Variants in CHCHD3 observed in about 807,000 individuals in gnomAD.
CHCHD3 encodes the protein coiled-coil-helix-coiled-coil-helix domain containing 3, also known as MICOS complex subunit MIC19.
In CHCHD3, 20 loss-of-function variants were observed where a neutral mutation model predicts 38.2. That is an observed-to-expected ratio of 0.52 (90% CI 0.37 to 0.76). CHCHD3 has a LOEUF of 0.76. Among genes scored for constraint, CHCHD3 ranks in the 30% least tolerant of loss-of-function variants. The probability of loss-of-function intolerance (pLI) is 0.00; values close to 1 mark genes in which losing one functional copy is unlikely to be tolerated. For synonymous variants in CHCHD3, 82 were observed against 100.0 expected, an observed-to-expected ratio of 0.82 and a Z score of 1.07; for missense variants, 245 against 279.2, an observed-to-expected ratio of 0.88 and a Z score of 0.87.
At chr7:133,015,382 A>AAATAAATAAATAAATG in intron 3 of CHCHD3, among the ~76,000 whole-genome samples, 1 of 150,554 alleles carries the variant, frequency 6.6e-6, no homozygotes, top group South Asian at 2.1e-4. Context: ...ATAAATAAAT[A>AAATAAATAAATAAATG]AATGTCAGGT....
intron 1 of CHCHD3, among the ~76,000 whole-genome samples, chr7:133,078,084 G>T (rs1562955990): frequency 6.6e-6 from 1 of 152,174 alleles, no homozygotes; most frequent in African/African-American, 2.4e-5. Context: ...GAGGTGGGTA[G>T]ATCACTTGAG....
At chr7:132,804,670 A>T (rs1348831243) in intron 6 of CHCHD3, among the ~76,000 whole-genome samples, 2 of 152,216 alleles carry the variant, frequency 1.3e-5, no homozygotes, top group Non-Finnish European at 2.9e-5. Flanking sequence ...ACCAAAATTT[A>T]AGTTTGTGGT....
chr7:132,829,450 G>A (rs1270754249), intron 6 of CHCHD3, among the ~76,000 whole-genome samples: 1 of 152,022 alleles, frequency 6.6e-6, no homozygotes, highest in African/African-American at 2.4e-5. Flanking sequence ...GTTCCTGCTG[G>A]GGAAGACAGA....
intron 5 of CHCHD3, among the ~76,000 whole-genome samples, chr7:132,852,374 T>G (rs1808240919): frequency 6.6e-6 from 1 of 152,210 alleles, no homozygotes; most frequent in Admixed American, 6.5e-5. Context: ...TCAGTTTGGC[T>G]GTCTTTCTTG....
chr7:132,924,071 A>G (rs527408747), intron 4 of CHCHD3, among the ~76,000 whole-genome samples: 19 of 152,312 alleles, frequency 1.2e-4, no homozygotes, highest in African/African-American at 4.3e-4. Context: ...CAATTCAACT[A>G]GAAGAAAAAT....
chr7:132,883,423 G>T (rs938898490), intron 5 of CHCHD3, among the ~76,000 whole-genome samples: 2 of 152,158 alleles, frequency 1.3e-5, no homozygotes, highest in Non-Finnish European at 2.9e-5. Flanking sequence ...GGAAATGCCA[G>T]GTCAGAAATT....
rs568915476 is a variant in CHCHD3, at chr7:132,887,670, G to A, written c.370-1925C>T. On this transcript the variant is annotated intron_variant, in intron 4 of 7. Transcript: ENST00000262570. Reference sequence around the variant, plus strand: ...ACAAATAAACTAGAAATCAACACACGAAAAATACAAATAATAAACACATGA... The same window carrying A: ...ACAAATAAACTAGAAATCAACACACAAAAAATACAAATAATAAACACATGA... 1.5e-4 allele frequency among the ~76,000 whole-genome samples: 23 copies of A among 148,860 alleles called. No individual in the cohort carries two copies. The East Asian group carries it at 3.5e-3, about 23-fold the overall frequency.
chr7:132,908,210 G>C (rs1809844029), intron 4 of CHCHD3, among the ~76,000 whole-genome samples: 1 of 152,144 alleles, frequency 6.6e-6, no homozygotes, highest in Admixed American at 6.5e-5. Flanking sequence ...TCAGAATCTG[G>C]TGTTTAAGAG....
intron 2 of CHCHD3, among the ~76,000 whole-genome samples, chr7:133,056,497 T>G (rs961813024): frequency 2.0e-5 from 3 of 152,184 alleles, no homozygotes; most frequent in Non-Finnish European, 4.4e-5. Flanking sequence ...GACCGCCCTA[T>G]GCAGAGTTAG....
chr7:133,029,108 C>A (rs1813431475), intron 2 of CHCHD3, among the ~76,000 whole-genome samples: 1 of 152,114 alleles, frequency 6.6e-6, no homozygotes, highest in Admixed American at 6.5e-5. Flanking sequence ...TTTACGTATT[C>A]TGTTATAAGC....
chr7:132,789,476 G>A (rs7794556), intron 7 of CHCHD3, among the ~76,000 whole-genome samples: 7 of 152,080 alleles, frequency 4.6e-5, no homozygotes, highest in Non-Finnish European at 8.8e-5. Flanking sequence ...TAAGAACAGC[G>A]CCCCTGGAGA....
intron 5 of CHCHD3, among the ~76,000 whole-genome samples, chr7:132,862,255 A>G (rs933044791): frequency 6.6e-6 from 1 of 152,098 alleles, no homozygotes; most frequent in African/African-American, 2.4e-5. Context: ...AAATACTTTT[A>G]TTTTACAACC....
intron 6 of CHCHD3, among the ~76,000 whole-genome samples, chr7:132,815,291 C>T (rs1378857907): frequency 6.6e-6 from 1 of 152,184 alleles, no homozygotes; most frequent in East Asian, 1.9e-4. Flanking sequence ...TATTTCCCTG[C>T]TTATAAACTA....
chr7:132,930,716 C>T (rs953355017), intron 4 of CHCHD3, among the ~76,000 whole-genome samples: 4 of 152,152 alleles, frequency 2.6e-5, no homozygotes, highest in Non-Finnish European at 5.9e-5. Flanking sequence ...CCCCAGCACC[C>T]TAAGTTCTTG....
intron 4 of CHCHD3, among the ~76,000 whole-genome samples, chr7:132,926,044 C>T (rs1810370199): frequency 6.6e-6 from 1 of 152,200 alleles, no homozygotes; most frequent in East Asian, 1.9e-4. Flanking sequence ...GAGCCATCTA[C>T]CATTCTGAAG....
intron 6 of CHCHD3, among the ~76,000 whole-genome samples, chr7:132,824,589 C>T (rs369166581): frequency 3.3e-5 from 5 of 152,314 alleles, no homozygotes; most frequent in African/African-American, 1.2e-4. Flanking sequence ...GCTGGGATTA[C>T]AGGCATGAGC....
intron 3 of CHCHD3, among the ~76,000 whole-genome samples, chr7:132,986,153 A>G (rs1311988592): frequency 6.7e-6 from 1 of 150,362 alleles, no homozygotes; most frequent in African/African-American, 2.5e-5. Flanking sequence ...TCAGGGTTGA[A>G]TGGATTAAGG....
rs1806390049 is a variant in CHCHD3, at chr7:132,788,961, A to T, written c.661-3301T>A. On this transcript the variant is annotated intron_variant, in intron 7 of 7. Coordinates refer to ENST00000262570, the MANE Select transcript of CHCHD3 (RefSeq NM_017812.4). The surrounding 1 kb of genome is among the most constrained non-coding windows in gnomAD (Gnocchi z 4.0). ...AAACACAATGGCAGGCTGGATTTTTAAAAAAGATGAATTCATCTGTCAAAC... is the reference window on the plus strand; with the variant it reads ...AAACACAATGGCAGGCTGGATTTTTTAAAAAGATGAATTCATCTGTCAAAC... Among the ~76,000 whole-genome samples, 1 of 152,202 alleles carries T rather than the reference A, an allele frequency of 6.6e-6. No homozygotes were observed. The highest frequency in any genetic ancestry group is 2.4e-5 in the African/African-American group (1 of 41,460).
intron 6 of CHCHD3, among the ~76,000 whole-genome samples, chr7:132,797,469 T>A (rs1806648559): frequency 6.6e-6 from 1 of 152,324 alleles, no homozygotes; most frequent in African/African-American, 2.4e-5. Flanking sequence ...GCCATGCATG[T>A]GACACTGACT....
Sources: allele counts gnomAD v4.1 joint callset (sites outside exome capture counted in the v4.1 genomes callset), GRCh38; gene constraint gnomAD v4.1.1; non-coding constraint Gnocchi (gnomAD v3.1); transcripts MANE v1.5; gene names NCBI Gene and HGNC (gene_info 2026-07-23, HGNC 2026-07-21).